The following CYP27A1 variants were observed in gnomAD, a reference collection of about 807,000 sequenced individuals.
The protein encoded by CYP27A1 is cytochrome P450 family 27 subfamily A member 1.
In CYP27A1, 46 loss-of-function variants were observed where a neutral mutation model predicts 58.2. The observed-to-expected ratio is 0.79, with a 90% CI of 0.62 to 1.01. CYP27A1 has a LOEUF of 1.01. Ranked by LOEUF, CYP27A1 falls within the 50% of genes least tolerant of loss-of-function variation. The pLI, the probability that CYP27A1 is intolerant of heterozygous loss-of-function variation, is 0.00. For missense variants in CYP27A1, 704 were observed against 687.0 expected (o/e 1.02, Z -0.28); for synonymous variants, 274 against 285.1 (o/e 0.96, Z 0.39).
chr2:218,806,729 T>A (rs1241291583), intron 1 of CYP27A1, among the ~76,000 whole-genome samples: 2 of 152,202 alleles, frequency 1.3e-5, no homozygotes, highest in Admixed American at 1.3e-4. Context: ...AAAGTGACCT[T>A]GAGCAACTTC....
At chr2:218,810,830 G>A (rs1359966955) in intron 2 of CYP27A1, among the ~76,000 whole-genome samples, 2 of 151,964 alleles carry the variant, frequency 1.3e-5, no homozygotes, top group Non-Finnish European at 2.9e-5. Flanking sequence ...GGGTGTTGAA[G>A]GTCATTAAAG....
At chr2:218,787,751 A>G (rs1943453756) in intron 1 of CYP27A1, among the ~76,000 whole-genome samples, 1 of 152,182 alleles carries the variant, frequency 6.6e-6, no homozygotes, top group South Asian at 2.1e-4. Context: ...AACCAGATAC[A>G]GTCCCCTCAA....
rs59443548 is a variant in CYP27A1 at position 218,812,281 on chromosome 2, C to T, written c.506C>T (p.Ala169Val). 1.3e-3 allele frequency: 2,156 copies of T among 1,614,134 alleles called. 27 individuals carry two copies. In the African/African-American group the frequency reaches 0.025, roughly 19 times the overall value. Residue 169 changes from alanine to valine, a missense_variant, in exon 3 of 9, where the codon GCG becomes GTG. Coordinates refer to ENST00000258415, the MANE Select transcript of CYP27A1 (RefSeq NM_000784.4). Reference protein sequence around the residue: ...QALNQRLLKPAEAALYTDAFN... With the variant: ...QALNQRLLKPVEAALYTDAFN... ...CTGAACCAGCGGTTGCTGAAGCCAG[C>T]GGAAGCAGCGCTCTATACGGATGCT...
chr2:218,807,194 T>C (rs1943661051), intron 1 of CYP27A1, among the ~76,000 whole-genome samples: 1 of 151,888 alleles, frequency 6.6e-6, no homozygotes, highest in African/African-American at 2.4e-5. Context: ...CTCTTGACCT[T>C]GTGATTTGCC....
intron 1 of CYP27A1, among the ~76,000 whole-genome samples, chr2:218,805,266 C>T (rs1024441184): frequency 1.3e-5 from 2 of 152,136 alleles, no homozygotes; most frequent in African/African-American, 4.8e-5. Context: ...TATCCTCTTC[C>T]CCACCCCCTT....
intron 1 of CYP27A1, 35 bp from the exon 2 acceptor site, chr2:218,809,542 T>C (rs1321851540): frequency 3.2e-5 from 51 of 1,576,396 alleles, no homozygotes; most frequent in African/African-American, 4.2e-5. Flanking sequence ...CTGCCCAGCT[T>C]GGCCCAGTTA....
chr2:218,812,993 T>C lies in CYP27A1; in HGVS notation c.914T>C (p.Ile305Thr). The change falls in exon 5 of 9, where the codon ATC becomes ACC. Residue 305 changes from isoleucine to threonine, a missense_variant. Physicochemically the swap from Ile to Thr is moderately conservative, Grantham distance 89 (BLOSUM62 -1). Transcript: ENST00000258415. Reference sequence around the variant, plus strand: ...CTGCAGGCAGCAGGGCCAGATGGCATCCAGGTGTCTGGCTACCTGCACTTC... The same window carrying C: ...CTGCAGGCAGCAGGGCCAGATGGCACCCAGGTGTCTGGCTACCTGCACTTC... The part of the protein sequence containing the change: ...AQLQAAGPDG[I>T]QVSGYLHFLL... 6.2e-7 allele frequency: 1 copy of C among 1,614,204 alleles called. No individual in the cohort carries two copies. The highest frequency in any genetic ancestry group is 8.5e-7 in the Non-Finnish European group (1 of 1,180,026).
chr2:218,808,060 A>G (rs190718864), intron 1 of CYP27A1, among the ~76,000 whole-genome samples: 2 of 152,372 alleles, frequency 1.3e-5, no homozygotes, highest in African/African-American at 4.8e-5. Flanking sequence ...TTTCTGTATT[A>G]GTACACAAGG....
chr2:218,800,756 A>G (rs1690500347), intron 1 of CYP27A1, among the ~76,000 whole-genome samples: 1 of 152,158 alleles, frequency 6.6e-6, no homozygotes, highest in Admixed American at 6.5e-5. Context: ...AAATACACCC[A>G]TATGTTGTTA....
chr2:218,790,335 C>T (rs915948160), intron 1 of CYP27A1, among the ~76,000 whole-genome samples: 3 of 152,178 alleles, frequency 2.0e-5, no homozygotes, highest in African/African-American at 4.8e-5. Context: ...GAATACAGTG[C>T]ACCACGGAGA....
At chr2:218,793,991 T>C (rs1025135497) in intron 1 of CYP27A1, among the ~76,000 whole-genome samples, 1 of 152,170 alleles carries the variant, frequency 6.6e-6, no homozygotes, top group African/African-American at 2.4e-5. Context: ...CAGGAAAGAT[T>C]AGGCTCGCGG....
At chr2:218,804,295 G>A (rs948745113) in intron 1 of CYP27A1, among the ~76,000 whole-genome samples, 2 of 152,148 alleles carry the variant, frequency 1.3e-5, no homozygotes, top group East Asian at 3.8e-4. Flanking sequence ...ATTTGTTGAA[G>A]AGACTTTCTT....
intron 1 of CYP27A1, among the ~76,000 whole-genome samples, chr2:218,789,727 G>T (rs767692918): frequency 3.9e-5 from 6 of 152,290 alleles, no homozygotes; most frequent in Non-Finnish European, 7.3e-5. Context: ...CCCACTTTCG[G>T]TTATTTCAGT....
Position 218,812,347 on chromosome 2 carries a change from A to G in CYP27A1, c.572A>G (p.Gln191Arg). ...VIDDFMTRLD[Q>R]LRAESASGNQ... ...GATGACTTTATGACTCGACTGGACC[A>G]GCTGCGGGCAGAGAGTGCTTCGGGG... is the stretch of plus-strand genomic sequence containing the variant. Residue 191 changes from glutamine (Q) to arginine (R), a missense_variant, in exon 3 of 9, where the codon CAG becomes CGG. Gln to Arg is a conservative substitution (Grantham distance 43). Coordinates refer to ENST00000258415, the MANE Select transcript of CYP27A1 (RefSeq NM_000784.4). The G allele has an allele frequency of 6.2e-7, 1 of 1,614,248 alleles. No homozygotes were observed. The highest frequency in any genetic ancestry group is 8.5e-7 in the Non-Finnish European group (1 of 1,180,032).
intron 1 of CYP27A1, among the ~76,000 whole-genome samples, chr2:218,783,269 AAAAAAAAG>A (rs1276797909): frequency 6.9e-4 from 105 of 151,566 alleles, no homozygotes; most frequent in South Asian, 1.0e-3. Flanking sequence ...AAAAAAAAAA[AAAAAAAAG>A]AAAAAAAGAA....
At chr2:218,791,011 T>A (rs1381268810) in intron 1 of CYP27A1, among the ~76,000 whole-genome samples, 1 of 152,140 alleles carries the variant, frequency 6.6e-6, no homozygotes, top group Non-Finnish European at 1.5e-5. Context: ...AAGTTTTGTA[T>A]TTTTAATAGA....
chr2:218,812,085 A>G, intron 2 of CYP27A1, 137 bp from the exon 3 acceptor site: 1 of 704,198 alleles, frequency 1.4e-6, no homozygotes, highest in Non-Finnish European at 2.5e-6. Flanking sequence ...TGGTGATTCT[A>G]TAATTCTAAA....
In CYP27A1 at chr2:218,782,815, T is replaced by A. The variant is rs1285388983; in HGVS notation, c.255+378T>A. On this transcript the variant is annotated intron_variant, in intron 1 of 8. Coordinates refer to ENST00000258415, the MANE Select transcript of CYP27A1 (RefSeq NM_000784.4). This position sits in a 1 kb window ranked among gnomAD's most constrained non-coding sequence, Gnocchi z 4.1. Reference sequence around the variant, plus strand: ...GCTGATATTGGCTACCACAGACTTCTTCCAAACGAAATAACTTCAGGAGGA... The same window carrying A: ...GCTGATATTGGCTACCACAGACTTCATCCAAACGAAATAACTTCAGGAGGA... Among the ~76,000 whole-genome samples the A allele has an allele frequency of 1.3e-5, 2 of 152,186 alleles. No individual in the cohort carries two copies. Among genetic ancestry groups the A allele is most frequent in the East Asian group, 3.8e-4 (2 of 5,198 alleles).
intron 1 of CYP27A1, among the ~76,000 whole-genome samples, chr2:218,805,212 G>T (rs1375819463): frequency 1.3e-5 from 2 of 152,114 alleles, no homozygotes; most frequent in African/African-American, 4.8e-5. Context: ...GTTCTTCCAG[G>T]TTCTTAAAAC....
Sources: allele counts gnomAD v4.1 joint callset (sites outside exome capture counted in the v4.1 genomes callset), GRCh38; gene constraint gnomAD v4.1.1; non-coding constraint Gnocchi (gnomAD v3.1); transcripts MANE v1.5; gene names NCBI Gene and HGNC (gene_info 2026-07-23, HGNC 2026-07-21).